The following NDUFAF1 variants were observed in gnomAD, a reference collection of about 807,000 sequenced individuals.
NDUFAF1 encodes the protein NADH:ubiquinone oxidoreductase complex assembly factor 1.
A neutral mutation model predicts 28.7 loss-of-function variants in NDUFAF1; 18 were observed. The ratio of observed to expected loss-of-function variants is 0.63; its 90% CI spans 0.43 to 0.93. The LOEUF (loss-of-function observed/expected upper bound fraction) is 0.93, where lower values mean the gene tolerates loss of function less well. Among genes scored for constraint, NDUFAF1 ranks in the 40% least tolerant of loss-of-function variants. The pLI, the probability that NDUFAF1 is intolerant of heterozygous loss-of-function variation, is 0.00. For synonymous variants in NDUFAF1, 113 were observed against 139.7 expected, an observed-to-expected ratio of 0.81 and a Z score of 1.35; for missense variants, 404 against 398.3, an observed-to-expected ratio of 1.01 and a Z score of -0.12.
intron 3 of NDUFAF1, among the ~76,000 whole-genome samples, chr15:41,393,729 C>T (rs905463920): frequency 2.0e-5 from 3 of 151,854 alleles, no homozygotes; most frequent in African/African-American, 4.8e-5. Context: ...GACGCCACCA[C>T]ACCCAACTAA....
Position 41,394,402 on chromosome 15 carries a change from C to T in NDUFAF1, c.759+457G>A, listed in dbSNP as rs151236250. ...CAGAAACTTCTAAAAAACAAACAAA[C>T]CCCATCTATTTGGACACAGAGCAGA... On this transcript the variant is annotated intron_variant, in intron 3 of 4. Transcript: ENST00000260361. 611 of 1,288,340 alleles carry T rather than the reference C, an allele frequency of 4.7e-4. 1 individual carries two copies. In the African/African-American group the frequency reaches 8.4e-3, roughly 18 times the overall value. The allele number at this position is 1,288,340 out of a possible 1,614,324, so 79.8% of individuals were successfully genotyped here.
rs75026902 is a variant in NDUFAF1, at chr15:41,390,308, T to C, written c.760-1786A>G. 9.0e-3 allele frequency among the ~76,000 whole-genome samples: 1,363 copies of C among 152,270 alleles called. 20 individuals are homozygous for C. Among genetic ancestry groups the C allele is most frequent in the African/African-American group, 0.031 (1,307 of 41,546 alleles). ...AATATCATGCAGACATTAAAAATGA[T>C]GTAGAAATATATTTGAAGAGAAAGT... On this transcript the variant is annotated intron_variant, in intron 3 of 4. Coordinates refer to ENST00000260361, the MANE Select transcript of NDUFAF1 (RefSeq NM_016013.4).
chr15:41,387,368 G>T lies in NDUFAF1; in HGVS notation c.*76C>A, dbSNP rs781327779. ...TAGCCATTGGTTGGATGCCATTAAA[G>T]AAATATTTTATTTTGTCTATATCAT... On this transcript the variant is annotated 3_prime_UTR_variant, in exon 5 of 5. Coordinates refer to ENST00000260361, the MANE Select transcript of NDUFAF1 (RefSeq NM_016013.4). The T allele has an allele frequency of 2.3e-4, 283 of 1,206,612 alleles. No individual in the cohort carries two copies. The highest frequency in any genetic ancestry group is 3.1e-4 in the Non-Finnish European group (258 of 828,722). The allele number at this position is 1,206,612 out of a possible 1,614,324, so 74.7% of individuals were successfully genotyped here.
At chr15:41,388,045 G>A (rs1362124392) in intron 4 of NDUFAF1, among the ~76,000 whole-genome samples, 1 of 152,150 alleles carries the variant, frequency 6.6e-6, no homozygotes, top group African/African-American at 2.4e-5. Flanking sequence ...GGGAGGTAGA[G>A]GTTGCAGTGA....
Position 41,402,385 on chromosome 15 carries a change from G to GC in NDUFAF1, c.-324dup. The GC allele has an allele frequency of 2.2e-6, 1 of 451,388 alleles. No homozygotes were observed. The highest frequency in any genetic ancestry group is 7.0e-5 in the East Asian group (1 of 14,330). 28.0% of individuals were successfully genotyped at this position (451,388 alleles called of 1,614,324 possible). ...GGGGAGGCCCCCTCAACCCTCAAGTGCCAGGGCTCTGTCGCCTCCCCACAC... is the reference window on the plus strand; with the variant it reads ...GGGGAGGCCCCCTCAACCCTCAAGTGCCCAGGGCTCTGTCGCCTCCCCACAC... On this transcript the variant is annotated 5_prime_UTR_variant, in exon 1 of 5. Transcript: ENST00000260361.
At chr15:41,391,482 G>A (rs1448940265) in intron 3 of NDUFAF1, among the ~76,000 whole-genome samples, 3 of 151,750 alleles carry the variant, frequency 2.0e-5, no homozygotes, top group Middle Eastern at 3.4e-3. Flanking sequence ...AAAATTAGCC[G>A]GGCGTTGTGG....
intron 3 of NDUFAF1, chr15:41,394,421 G>C: frequency 1.6e-6 from 2 of 1,273,786 alleles, no homozygotes; most frequent in Non-Finnish European, 2.1e-6. Flanking sequence ...TTTGGACACA[G>C]AGCAGAGATG....
chr15:41,391,276 G>C (rs926001683), intron 3 of NDUFAF1, among the ~76,000 whole-genome samples: 1 of 151,958 alleles, frequency 6.6e-6, no homozygotes, highest in Non-Finnish European at 1.5e-5. Flanking sequence ...TCTAGGTACA[G>C]GGGAAACTGG....
chr15:41,397,705 A>T (rs2050408801), intron 1 of NDUFAF1, among the ~76,000 whole-genome samples: 1 of 151,128 alleles, frequency 6.6e-6, no homozygotes, highest in African/African-American at 2.5e-5. Flanking sequence ...AGGCTGAAGC[A>T]GGAGAATAGC....
At chr15:41,393,073 A>G (rs1451881742) in intron 3 of NDUFAF1, among the ~76,000 whole-genome samples, 1 of 151,158 alleles carries the variant, frequency 6.6e-6, no homozygotes, top group Middle Eastern at 3.2e-3. Context: ...AGAATTCAGG[A>G]TGACCCTCAA....
intron 3 of NDUFAF1, among the ~76,000 whole-genome samples, chr15:41,392,813 A>T (rs947645733): frequency 1.3e-5 from 2 of 152,180 alleles, no homozygotes; most frequent in Non-Finnish European, 2.9e-5. Flanking sequence ...GTACATTTAC[A>T]TGCTTACAAG....
At chr15:41,401,266 C>A (rs1007866652) in intron 1 of NDUFAF1, among the ~76,000 whole-genome samples, 4 of 129,848 alleles carry the variant, frequency 3.1e-5, no homozygotes, top group Non-Finnish European at 5.2e-5. Flanking sequence ...CGGCGCCCAA[C>A]CTTTTTTTTT....
intron 1 of NDUFAF1, among the ~76,000 whole-genome samples, chr15:41,398,722 A>G (rs552090840): frequency 6.6e-6 from 1 of 152,180 alleles, no homozygotes; most frequent in South Asian, 2.1e-4. Context: ...TGGGAGTCCA[A>G]GGTGGACGGA....
At chr15:41,398,030 A>G (rs1303726633) in intron 1 of NDUFAF1, among the ~76,000 whole-genome samples, 1 of 150,488 alleles carries the variant, frequency 6.6e-6, no homozygotes, top group African/African-American at 2.4e-5. Context: ...TCTCAAAAAA[A>G]AAAAAAAAAA....
At chr15:41,401,267 CTTTTTTTTTTT>C (rs755063294) in intron 1 of NDUFAF1, among the ~76,000 whole-genome samples, 22 of 111,230 alleles carry the variant, frequency 2.0e-4, no homozygotes, top group Admixed American at 1.0e-3. Flanking sequence ...GGCGCCCAAC[CTTTTTTTTTTT>C]TTTTTTTTTT....
intron 1 of NDUFAF1, among the ~76,000 whole-genome samples, chr15:41,401,576 C>G (rs1489212457): frequency 6.6e-6 from 1 of 151,948 alleles, no homozygotes; most frequent in Non-Finnish European, 1.5e-5. Flanking sequence ...CAGGCGTGCG[C>G]CACCACGCCC....
chr15:41,388,756 CTTT>C (rs933548216), intron 3 of NDUFAF1, among the ~76,000 whole-genome samples: 4 of 141,480 alleles, frequency 2.8e-5, no homozygotes, highest in Non-Finnish European at 6.2e-5. Context: ...CTAAACACAG[CTTT>C]TTTTTTTTTT....
chr15:41,391,318 A>C (rs2140912128), intron 3 of NDUFAF1, among the ~76,000 whole-genome samples: 1 of 152,098 alleles, frequency 6.6e-6, no homozygotes. Flanking sequence ...CTCTGCTCTC[A>C]CAGAATTTAC....
intron 1 of NDUFAF1, among the ~76,000 whole-genome samples, chr15:41,401,321 AG>A (rs2050460020): frequency 1.7e-5 from 2 of 116,888 alleles, no homozygotes; most frequent in Non-Finnish European, 3.3e-5. Context: ...CCCAGGCTGG[AG>A]TGCAATGGCA....
Sources: allele counts gnomAD v4.1 joint callset (sites outside exome capture counted in the v4.1 genomes callset), GRCh38; gene constraint gnomAD v4.1.1; transcripts MANE v1.5; gene names NCBI Gene and HGNC (gene_info 2026-07-23, HGNC 2026-07-21).